The following BCCIP variants were observed in gnomAD, a reference collection of about 807,000 sequenced individuals.
BCCIP encodes BRCA2 and CDKN1A-interacting protein.
In BCCIP, 23 loss-of-function variants were observed where a neutral mutation model predicts 32.8. The ratio of observed to expected loss-of-function variants is 0.70; its 90% CI spans 0.51 to 0.99. The LOEUF is 0.99. Ranked by LOEUF, BCCIP falls within the 50% of genes least tolerant of loss-of-function variation. BCCIP has a pLI of 0.00. For missense variants in BCCIP, 378 were observed against 379.8 expected, an observed-to-expected ratio of 1.00 and a Z score of 0.04; for synonymous variants, 144 against 137.6, an observed-to-expected ratio of 1.05 and a Z score of -0.33.
downstream of BCCIP, chr10:125,839,231 A>G (rs769950769): frequency 2.6e-5 from 42 of 1,596,580 alleles, no homozygotes; most frequent in Middle Eastern, 1.0e-3. Flanking sequence ...ATGATTTGTC[A>G]GAAGCTCTGA....
Position 125,853,211 on chromosome 10 carries a change from AC to A in BCCIP, c.939del (p.Phe314SerfsTer2). 2 of 1,612,266 alleles carry A rather than the reference AC, an allele frequency of 1.2e-6. No homozygotes were observed. Among genetic ancestry groups the A allele is most frequent in the Non-Finnish European group, 1.7e-6 (2 of 1,179,150 alleles). ...ATCAACTCTAAGTGATTTCCAGGGA[AC>A]CTTCATGACTGTTGGAATTGCTCTG... On this transcript the variant is annotated frameshift_variant, in exon 8 of 8. Transcript: ENST00000368759. LOFTEE classifies it low-confidence loss of function (END_TRUNC).
downstream of BCCIP, chr10:125,838,227 G>A: frequency 1.2e-6 from 2 of 1,607,804 alleles, no homozygotes; most frequent in Non-Finnish European, 1.7e-6. Context: ...GATTTCTGAG[G>A]TAATCCTGAT....
At chr10:125,850,124 C>A (rs544119491) in intron 7 of BCCIP, among the ~76,000 whole-genome samples, 1 of 143,518 alleles carries the variant, frequency 7.0e-6, no homozygotes, top group Non-Finnish European at 1.5e-5. Context: ...TGCCACCACA[C>A]CTGGCTCATT....
At chr10:125,836,055 GT>G in intron 6 of BCCIP, 48 bp from the exon 7 acceptor site, 1 of 1,519,802 alleles carries the variant, frequency 6.6e-7, no homozygotes, top group Non-Finnish European at 9.1e-7. Flanking sequence ...AATGGGTTTT[GT>G]CTTTGGGTTG....
intron 2 of BCCIP, among the ~76,000 whole-genome samples, chr10:125,826,894 G>A (rs1012018246): frequency 1.3e-5 from 2 of 151,512 alleles, no homozygotes; most frequent in Non-Finnish European, 2.9e-5. Flanking sequence ...TAACTCCTCA[G>A]GAGGCTGAGG....
downstream of BCCIP, chr10:125,841,390 C>G (rs1339391476): frequency 1.9e-6 from 3 of 1,606,918 alleles, no homozygotes; most frequent in Non-Finnish European, 2.5e-6. Context: ...ATGAATGAAG[C>G]CAATAGGAAA....
chr10:125,823,976 G>A (rs1007013135), intron 1 of BCCIP, among the ~76,000 whole-genome samples: 1 of 152,216 alleles, frequency 6.6e-6, no homozygotes, highest in African/African-American at 2.4e-5. Context: ...CACAACAGGT[G>A]TGTTCTTCTC....
At chr10:125,838,141 G>C, downstream of BCCIP, 1 of 1,448,560 alleles carries the variant, frequency 6.9e-7, no homozygotes, top group Non-Finnish European at 9.2e-7. Context: ...AGCCAAATTT[G>C]TCATTTACTC....
At chr10:125,840,949 A>G, downstream of BCCIP, 5 of 1,612,250 alleles carry the variant, frequency 3.1e-6, no homozygotes, top group Non-Finnish European at 4.2e-6. Context: ...CAACAAGTCA[A>G]GGCAGCCTCT....
At chr10:125,833,975 T>C (rs755787074) in intron 6 of BCCIP, 29 bp downstream of exon 6, 3 of 1,601,502 alleles carry the variant, frequency 1.9e-6, no homozygotes, top group South Asian at 1.1e-5. Flanking sequence ...TTTGTTTAGA[T>C]GTAAATAAGG....
exon 7 of BCCIP, chr10:125,842,015 A>G: frequency 1.4e-6 from 2 of 1,418,974 alleles, no homozygotes; most frequent in South Asian, 1.6e-5. Flanking sequence ...TCCCTCCTGC[A>G]TGAAACAAGC....
chr10:125,828,885 GC>G (rs1225720647), intron 3 of BCCIP, among the ~76,000 whole-genome samples: 1 of 152,174 alleles, frequency 6.6e-6, no homozygotes, highest in Non-Finnish European at 1.5e-5. Flanking sequence ...TGGCAAGTTA[GC>G]CCTAGCTGTC....
At chr10:125,836,613 G>A (rs773988110), downstream of BCCIP, 44 of 1,537,828 alleles carry the variant, frequency 2.9e-5, no homozygotes, top group Non-Finnish European at 3.3e-5. Context: ...TTCGCGTCAT[G>A]TATCTCCCAT....
chr10:125,832,604 G>C (rs537609979), intron 5 of BCCIP, among the ~76,000 whole-genome samples: 1 of 151,650 alleles, frequency 6.6e-6, no homozygotes, highest in African/African-American at 2.4e-5. Flanking sequence ...TGGTTTTATA[G>C]GAGGGTGATT....
chr10:125,842,838 T>C (rs1456547426), downstream of BCCIP: 2 of 912,928 alleles, frequency 2.2e-6, no homozygotes, highest in African/African-American at 3.6e-5. Context: ...CTTTTAAGTT[T>C]ATGTAACATC....
At chr10:125,851,937 A>AG (rs1178038942) in intron 7 of BCCIP, among the ~76,000 whole-genome samples, 16 of 151,252 alleles carry the variant, frequency 1.1e-4, no homozygotes, top group Non-Finnish European at 1.2e-4. Flanking sequence ...AAAAAAAAAA[A>AG]AAAAGAAAAG....
At chr10:125,829,767 CCT>C (rs1854481371) in intron 3 of BCCIP, among the ~76,000 whole-genome samples, 3 of 152,176 alleles carry the variant, frequency 2.0e-5, no homozygotes, top group Admixed American at 1.3e-4. Context: ...TCTTAGAAGA[CCT>C]AATGGATATG....
downstream of BCCIP, among the ~76,000 whole-genome samples, chr10:125,845,529 A>G (rs760532087): frequency 4.6e-5 from 7 of 152,246 alleles, no homozygotes; most frequent in Non-Finnish European, 7.3e-5. Context: ...TTTCACGAGG[A>G]TAGGGCAGGG....
chr10:125,848,042 A>G (rs540069544), intron 7 of BCCIP, among the ~76,000 whole-genome samples: 86 of 152,346 alleles, frequency 5.6e-4, no homozygotes, highest in Non-Finnish European at 1.1e-3. Context: ...ACACATTTAC[A>G]TAAATGGACA....
Sources: gnomAD v4.1 joint callset for allele counts (sites outside exome capture counted in the v4.1 genomes callset) on GRCh38, gnomAD v4.1.1 for gene constraint, MANE v1.5 for transcripts, NCBI Gene and HGNC (gene_info 2026-07-23, HGNC 2026-07-21) for gene names.